MAPK15: variants seen among roughly 807,000 people sequenced by gnomAD.
The protein encoded by MAPK15 is ERK-7.
Under a neutral mutation model 60.8 loss-of-function variants are expected in MAPK15, and 61 were observed. The observed-to-expected ratio is 1.00, with a 90% CI of 0.82 to 1.24. The LOEUF (loss-of-function observed/expected upper bound fraction) is 1.24, where lower values mean the gene tolerates loss of function less well. Ranked by LOEUF, MAPK15 falls within the 50% of genes most tolerant of loss-of-function variation. The pLI is 0.00. For synonymous variants in MAPK15, 356 were observed against 319.9 expected (o/e 1.11, Z -1.21); for missense variants, 808 against 741.1 (o/e 1.09, Z -1.05).
rs62524242 is a variant in MAPK15 at position 143,716,422 on chromosome 8, C to T, written c.45C>T (p.Leu15=). 0.027 allele frequency: 44,084 copies of T among 1,604,288 alleles called. 1,380 individuals carry two copies. Among genetic ancestry groups the T allele is most frequent in the African/African-American group, 0.15 (11,405 of 73,782 alleles). Residue 15 remains leucine, a synonymous_variant, in exon 1 of 14, where the codon CTC becomes CTT. Coordinates refer to ENST00000338033, the MANE Select transcript of MAPK15 (RefSeq NM_139021.3). ...VDPRIVRRYL[L]RRQLGQGAYG... is the part of the protein sequence containing the mutation. ...CTCGCATTGTCCGGAGATACCTACT[C>T]AGGCGGCAGCTCGGGCAGGGGGTGA...
chr8:143,721,067 C>T lies in MAPK15; in HGVS notation c.985C>T (p.Gln329Ter). The part of the protein sequence containing the change: ...DVRPRAHEGV[Q>*]LSVPEYRSRV... ...GCGGCCCCGGGCACACGAAGGGGTCCAGCTCTCTGTGCCTGAGTACCGCAG... is the reference window on the plus strand; with the variant it reads ...GCGGCCCCGGGCACACGAAGGGGTCTAGCTCTCTGTGCCTGAGTACCGCAG... Residue 329 changes from glutamine to a stop codon, truncating the protein, a stop_gained, in exon 10 of 14, where the codon CAG (glutamine) becomes TAG (stop). Coordinates refer to ENST00000338033, the MANE Select transcript of MAPK15 (RefSeq NM_139021.3). LOFTEE classifies it high-confidence loss of function. 1.2e-6 allele frequency: 2 copies of T among 1,612,088 alleles called. No individual in the cohort carries two copies. The highest frequency in any genetic ancestry group is 1.7e-6 in the Non-Finnish European group (2 of 1,179,574).
In MAPK15 at chr8:143,721,020, A is replaced by G. The variant is rs1334413737; in HGVS notation, c.938A>G (p.Glu313Gly). 2.5e-6 allele frequency: 4 copies of G among 1,611,134 alleles called. No homozygotes were observed. The highest frequency in any genetic ancestry group is 1.1e-5 in the South Asian group (1 of 90,974). Reference protein sequence around the residue: ...YVQRFHCPSDEWAREADVRPR... With the variant: ...YVQRFHCPSDGWAREADVRPR... The stretch of plus-strand genomic sequence containing the variant: ...TGCAGGTTCCACTGCCCCAGCGACG[A>G]GTGGGCACGAGAGGCAGATGTGCGG... The change falls in exon 10 of 14, where the codon GAG becomes GGG. Residue 313 changes from glutamate to glycine, a missense_variant. By Grantham distance (98) the Glu-to-Gly change is moderately conservative. Transcript: ENST00000338033.
In MAPK15 at chr8:143,721,674, G is replaced by T. The variant is rs202186724; in HGVS notation, c.1329+1G>T. The T allele has an allele frequency of 5.3e-5, 86 of 1,608,912 alleles. No individual in the cohort carries two copies. Among genetic ancestry groups the T allele is most frequent in the Non-Finnish European group, 7.1e-5 (83 of 1,177,144 alleles). On this transcript the variant is annotated splice_donor_variant, in intron 12 of 13. Transcript: ENST00000338033. LOFTEE classifies it high-confidence loss of function. ...AGCGCCCCCCTTGACACTCTCGCTGGTAAGTCATGGTGGGGCGGGCACAGG... is the reference window on the plus strand; with the variant it reads ...AGCGCCCCCCTTGACACTCTCGCTGTTAAGTCATGGTGGGGCGGGCACAGG...
chr8:143,718,727 G>GGGCCCCCCCC, intron 4 of MAPK15, 48 bp from the exon 5 acceptor site: 1 of 514,508 alleles, frequency 1.9e-6, no homozygotes, highest in Non-Finnish European at 3.2e-6. Context: ...CCCCCAGGTT[G>GGGCCCCCCCC]CCCCCCCAGC....
intron 1 of MAPK15, 87 bp from the exon 2 acceptor site, chr8:143,717,607 G>A: frequency 8.6e-7 from 1 of 1,168,884 alleles, no homozygotes; most frequent in Non-Finnish European, 1.2e-6. Context: ...AGGATGGGAA[G>A]GAGGAGCCTC....
At chr8:143,716,856 T>G (rs1342595491) in intron 1 of MAPK15, among the ~76,000 whole-genome samples, 1 of 151,934 alleles carries the variant, frequency 6.6e-6, no homozygotes, top group Non-Finnish European at 1.5e-5. Flanking sequence ...CCTGAGCGGT[T>G]ATGGGGTGGG....
intron 4 of MAPK15, chr8:143,718,560 C>T: frequency 1.6e-6 from 1 of 630,946 alleles, no homozygotes; most frequent in Non-Finnish European, 2.8e-6. Context: ...TTTTTCTTCT[C>T]ATTTTATGAA....
At position 143,720,117 on chromosome 8, in the gene MAPK15, C is replaced by T; in HGVS notation, c.722-113C>T. On this transcript the variant is annotated intron_variant, in intron 7 of 13. Transcript: ENST00000338033. This position sits in a 1 kb window ranked among gnomAD's most constrained non-coding sequence, Gnocchi z 4.6. The stretch of plus-strand genomic sequence containing the variant: ...TTTGAGCCCCGCCAGACAGCAGAAA[C>T]CCTGTAGAGAGGCTGTGCTCCCTGG... The T allele has an allele frequency of 4.1e-6, 6 of 1,466,266 alleles. No individual in the cohort carries two copies. The highest frequency in any genetic ancestry group is 5.5e-6 in the Non-Finnish European group (6 of 1,089,300). 90.8% of individuals were successfully genotyped at this position (1,466,266 alleles called of 1,614,324 possible).
chr8:143,722,434 C>T lies in MAPK15; in HGVS notation c.*183C>T. ...CCTGCCCCCGCCCCACTGACTTCCT[C>T]CAATAAAGTCATGTCTGCCCCCAAC... On this transcript the variant is annotated 3_prime_UTR_variant, in exon 14 of 14. Coordinates refer to ENST00000338033, the MANE Select transcript of MAPK15 (RefSeq NM_139021.3). 1 of 526,312 alleles carries T rather than the reference C, an allele frequency of 1.9e-6. No individual in the cohort carries two copies. 32.6% of individuals were successfully genotyped at this position (526,312 alleles called of 1,614,324 possible).
chr8:143,721,990 G>A, intron 13 of MAPK15, 85 bp from the exon 14 acceptor site: 1 of 1,529,720 alleles, frequency 6.5e-7, no homozygotes, highest in Non-Finnish European at 8.8e-7. Context: ...CCAATGTCCA[G>A]TTCAAATCTC....
Position 143,718,286 on chromosome 8 carries a change from G to C in MAPK15, c.270G>C (p.Leu90=), listed in dbSNP as rs1817891806. Reference sequence around the variant, plus strand: ...CAGAGAACGACAGGGACATTTACCTGGTGTTTGAGTTTATGGGTGAGTGAG... The same window carrying C: ...CAGAGAACGACAGGGACATTTACCTCGTGTTTGAGTTTATGGGTGAGTGAG... ...IRAENDRDIY[L]VFEFMDTDLN... Residue 90 remains leucine, a synonymous_variant, in exon 4 of 14, where the codon CTG becomes CTC. Transcript: ENST00000338033. 1.2e-6 allele frequency: 2 copies of C among 1,614,028 alleles called. No individual in the cohort carries two copies. The highest frequency in any genetic ancestry group is 1.7e-6 in the Non-Finnish European group (2 of 1,180,008).
chr8:143,718,182 C>A (rs782755693), intron 3 of MAPK15, 30 bp from the exon 4 acceptor site: 2 of 1,613,202 alleles, frequency 1.2e-6, no homozygotes, highest in South Asian at 2.2e-5. Context: ...CCCCTCCTGG[C>A]CTTCCAGCCG....
rs781953023 is a variant in MAPK15, at chr8:143,720,850, GGA to G, written c.917+16_917+17del. On this transcript the variant is annotated intron_variant, in intron 9 of 13. Coordinates refer to ENST00000338033, the MANE Select transcript of MAPK15 (RefSeq NM_139021.3). The surrounding 1 kb of genome is among the most constrained non-coding windows in gnomAD (Gnocchi z 4.6). ...ACCCCTACGTGCAGAGGTGGGGGTG[GGA>G]GAGAGTCCCCCAAGTGCGGGGGGAC... is the stretch of plus-strand genomic sequence containing the variant. 3.7e-6 allele frequency: 6 copies of G among 1,609,970 alleles called. No homozygotes were observed. In the South Asian group the frequency reaches 5.5e-5, roughly 15 times the overall value.
intron 1 of MAPK15, among the ~76,000 whole-genome samples, chr8:143,717,439 A>G (rs1200349043): frequency 6.6e-6 from 1 of 152,006 alleles, no homozygotes; most frequent in Non-Finnish European, 1.5e-5. Flanking sequence ...CCCGAGCTTC[A>G]TTTCCTGCCC....
At chr8:143,716,532 G>T in intron 1 of MAPK15, 89 bp downstream of exon 1, 2 of 1,257,520 alleles carry the variant, frequency 1.6e-6, no homozygotes, top group Non-Finnish European at 2.2e-6. Flanking sequence ...CCCCTCGGAG[G>T]CCTGTTCCGT....
chr8:143,718,727 G>GCCCCCCCCCCCCCCCCCCCCCCCC, intron 4 of MAPK15, 48 bp from the exon 5 acceptor site: 2 of 514,524 alleles, frequency 3.9e-6, no homozygotes, highest in Non-Finnish European at 6.3e-6. Context: ...CCCCCAGGTT[G>GCCCCCCCCCCCCCCCCCCCCCCCC]CCCCCCCAGC....
Position 143,716,371 on chromosome 8 carries a change from G to A in MAPK15, c.-7G>A. 2 of 1,591,504 alleles carry A rather than the reference G, an allele frequency of 1.3e-6. No individual in the cohort carries two copies. The highest frequency in any genetic ancestry group is 1.7e-6 in the Non-Finnish European group (2 of 1,171,668). The stretch of plus-strand genomic sequence containing the variant: ...AACAGTAAGGCCCCGCGGGCGTCCT[G>A]GCCGCCATGTGCACCGTAGTGGACC... On this transcript the variant is annotated 5_prime_UTR_variant, in exon 1 of 14. Coordinates refer to ENST00000338033, the MANE Select transcript of MAPK15 (RefSeq NM_139021.3).
chr8:143,721,886 C>T lies in MAPK15; in HGVS notation c.1458+6C>T. 2 of 1,568,842 alleles carry T rather than the reference C, an allele frequency of 1.3e-6. No homozygotes were observed. The highest frequency in any genetic ancestry group is 1.3e-5 in the African/African-American group (1 of 74,344). ...GGGTGGCCAGCGTACAACAGGTAAGCCCGGCCCAGTCTGCCCCCGTCCCCT... is the reference window on the plus strand; with the variant it reads ...GGGTGGCCAGCGTACAACAGGTAAGTCCGGCCCAGTCTGCCCCCGTCCCCT... On this transcript the variant is annotated splice_donor_region_variant and intron_variant, in intron 13 of 13. Coordinates refer to ENST00000338033, the MANE Select transcript of MAPK15 (RefSeq NM_139021.3).
chr8:143,719,250 T>G lies in MAPK15; in HGVS notation c.582-93T>G. Reference sequence around the variant, plus strand: ...GGCCTCCCGTACTCCGACCCTGCCTTGGTCCACAAGTGTTCCCCCATTCAC... The same window carrying G: ...GGCCTCCCGTACTCCGACCCTGCCTGGGTCCACAAGTGTTCCCCCATTCAC... On this transcript the variant is annotated intron_variant, in intron 6 of 13. Transcript: ENST00000338033. The G allele has an allele frequency of 3.3e-6, 5 of 1,520,604 alleles. No homozygotes were observed. In the Admixed American group the frequency reaches 8.1e-5, roughly 24 times the overall value. 94.2% of individuals were successfully genotyped at this position (1,520,604 alleles called of 1,614,324 possible).
Sources: gnomAD v4.1 joint callset for allele counts (sites outside exome capture counted in the v4.1 genomes callset) on GRCh38, gnomAD v4.1.1 for gene constraint, Gnocchi (gnomAD v3.1) non-coding constraint, MANE v1.5 for transcripts, NCBI Gene and HGNC (gene_info 2026-07-23, HGNC 2026-07-21) for gene names.